CDH4: variants seen among roughly 807,000 people sequenced by gnomAD.
CDH4 encodes cadherin-4.
Under a neutral mutation model 86.0 loss-of-function variants are expected in CDH4, and 33 were observed. That is an observed-to-expected ratio of 0.38 (90% CI 0.29 to 0.51). CDH4 has a LOEUF of 0.51. Among genes scored for constraint, CDH4 ranks in the 20% least tolerant of loss-of-function variants. The probability of loss-of-function intolerance (pLI) is 0.86; values close to 1 mark genes in which losing one functional copy is unlikely to be tolerated. For synonymous variants in CDH4, 555 were observed against 549.4 expected (o/e 1.01, Z -0.14); for missense variants, 1,114 against 1,307.4 (o/e 0.85, Z 2.28).
At chr20:61,625,073 T>C (rs1406906335) in intron 2 of CDH4, among the ~76,000 whole-genome samples, 1 of 152,146 alleles carries the variant, frequency 6.6e-6, no homozygotes, top group Non-Finnish European at 1.5e-5. Flanking sequence ...GCTAGGGAGA[T>C]TCCTGGGCCT....
At chr20:61,257,636 G>A (rs866913480) in intron 2 of CDH4, among the ~76,000 whole-genome samples, 4 of 152,256 alleles carry the variant, frequency 2.6e-5, no homozygotes, top group African/African-American at 9.6e-5. Flanking sequence ...CTGATGCATG[G>A]CCGTATCTAA....
chr20:61,514,575 C>A (rs2149479), intron 2 of CDH4, among the ~76,000 whole-genome samples: 86,686 of 151,942 alleles, frequency 0.57, 25,324 homozygotes, highest in African/African-American at 0.69. Flanking sequence ...TGAAGGCACT[C>A]AGGATTTTCC....
intron 2 of CDH4, among the ~76,000 whole-genome samples, chr20:61,288,181 G>T (rs1461953491): frequency 1.4e-5 from 2 of 138,698 alleles, no homozygotes; most frequent in Non-Finnish European, 3.1e-5. Context: ...TTGGGCACAG[G>T]ATCCAGTTAC....
chr20:61,458,395 T>G lies in CDH4; in HGVS notation c.169+203458T>G, dbSNP rs557291336. On this transcript the variant is annotated intron_variant, in intron 2 of 15. Transcript: ENST00000614565. The stretch of plus-strand genomic sequence containing the variant: ...GGTGGTGATGGTATGGTGATGGTCA[T>G]GATGGTGATGACAGTGCTGACACTG... Among the ~76,000 whole-genome samples the G allele has an allele frequency of 2.0e-3, 284 of 141,304 alleles. 1 individual carries two copies. The highest frequency in any genetic ancestry group is 7.1e-3 in the African/African-American group (271 of 38,196). 92.7% of individuals were successfully genotyped at this position (141,304 alleles called of 152,430 possible).
chr20:61,905,113 C>T lies in CDH4; in HGVS notation c.1189-5309C>T, dbSNP rs188457853. Among the ~76,000 whole-genome samples the T allele has an allele frequency of 3.3e-3, 498 of 152,322 alleles. 3 individuals are homozygous for T. Among genetic ancestry groups the T allele is most frequent in the African/African-American group, 0.01 (418 of 41,564 alleles). On this transcript the variant is annotated intron_variant, in intron 8 of 15. Coordinates refer to ENST00000614565, the MANE Select transcript of CDH4 (RefSeq NM_001794.5). ...ACAGTCTCGGCAACAAATTCCATTC[C>T]GATGCTCTTAAAATTTCTCCTTTCC...
intron 2 of CDH4, among the ~76,000 whole-genome samples, chr20:61,258,139 C>G (rs2084109030): frequency 6.6e-6 from 1 of 151,910 alleles, no homozygotes; most frequent in Non-Finnish European, 1.5e-5. Context: ...ACCATCCTGG[C>G]TAACATGGTG....
intron 4 of CDH4, among the ~76,000 whole-genome samples, chr20:61,833,397 T>C (rs1234121790): frequency 6.6e-6 from 1 of 152,160 alleles, no homozygotes; most frequent in Non-Finnish European, 1.5e-5. Context: ...GTGTGTCTAC[T>C]AGTATGCAGA....
intron 1 of CDH4, among the ~76,000 whole-genome samples, chr20:61,253,801 A>G (rs6129084): frequency 6.6e-6 from 1 of 151,890 alleles, no homozygotes; most frequent in East Asian, 2.0e-4. Flanking sequence ...CGGCCTCCGG[A>G]GTCGAAGCAT....
chr20:61,448,677 G>A (rs1460437662), intron 2 of CDH4, among the ~76,000 whole-genome samples: 3 of 152,130 alleles, frequency 2.0e-5, no homozygotes, highest in African/African-American at 7.2e-5. Context: ...GACTTAAATA[G>A]ACCTAGCCTC....
intron 4 of CDH4, among the ~76,000 whole-genome samples, chr20:61,796,972 C>T (rs1439091117): frequency 6.6e-6 from 1 of 152,132 alleles, no homozygotes; most frequent in East Asian, 1.9e-4. Flanking sequence ...GAGCGCCATA[C>T]AGCGCCAGCT....
intron 2 of CDH4, among the ~76,000 whole-genome samples, chr20:61,350,452 C>T (rs1167459788): frequency 5.1e-4 from 3 of 5,938 alleles, no homozygotes; most frequent in African/African-American, 1.0e-3. Context: ...GCCAGCGGAA[C>T]ACCTCTGACC....
chr20:61,361,819 C>T (rs559711999), intron 2 of CDH4, among the ~76,000 whole-genome samples: 4 of 152,294 alleles, frequency 2.6e-5, no homozygotes, highest in South Asian at 4.1e-4. Context: ...GGTGCCTGCC[C>T]GCAAGAAGAG....
At chr20:61,667,645 G>GGC (rs1360003366) in intron 2 of CDH4, among the ~76,000 whole-genome samples, 2 of 128,476 alleles carry the variant, frequency 1.6e-5, no homozygotes, top group East Asian at 2.9e-4. Flanking sequence ...CTTTGTGTGT[G>GGC]GCACACACAC....
At chr20:61,495,958 G>C (rs574684992) in intron 2 of CDH4, among the ~76,000 whole-genome samples, 1 of 151,470 alleles carries the variant, frequency 6.6e-6, no homozygotes, top group East Asian at 2.0e-4. Flanking sequence ...CACACAGCAG[G>C]AGAGAGGAAG....
rs1227922950 is a variant in CDH4, at chr20:61,754,023, CA to C, written c.396+10235del. On this transcript the variant is annotated intron_variant, in intron 3 of 15. Transcript: ENST00000614565. This position sits in a 1 kb window ranked among gnomAD's most constrained non-coding sequence, Gnocchi z 4.7. ...GGGGAAATTTGGGCACAGACAGGCA[CA>C]GGGAGAAGTCCTGTGAAGATGAGGC... is the stretch of plus-strand genomic sequence containing the variant. Among the ~76,000 whole-genome samples, 1 of 152,154 alleles carries C rather than the reference CA, an allele frequency of 6.6e-6. No individual in the cohort carries two copies. The highest frequency in any genetic ancestry group is 6.5e-5 in the Admixed American group (1 of 15,292).
intron 2 of CDH4, among the ~76,000 whole-genome samples, chr20:61,622,998 G>A (rs2086792005): frequency 6.6e-6 from 1 of 152,174 alleles, no homozygotes; most frequent in East Asian, 1.9e-4. Flanking sequence ...AGTGGGATAG[G>A]CCTGTTACCA....
chr20:61,816,032 A>G (rs1442017726), intron 4 of CDH4, among the ~76,000 whole-genome samples: 1 of 152,196 alleles, frequency 6.6e-6, no homozygotes, highest in African/African-American at 2.4e-5. Flanking sequence ...GCTGCATTTC[A>G]GAACAAACTA....
chr20:61,807,708 G>A lies in CDH4; in HGVS notation c.576+34526G>A, dbSNP rs531357159. Among the ~76,000 whole-genome samples the A allele has an allele frequency of 5.9e-5, 9 of 152,310 alleles. No homozygotes were observed. The highest frequency in any genetic ancestry group is 4.2e-4 in the South Asian group (2 of 4,816). ...TGTGGACGGCTCTTCAGACTCAAAC[G>A]GTGTGATGAACAAACCGACTCGGAA... On this transcript the variant is annotated intron_variant, in intron 4 of 15. Coordinates refer to ENST00000614565, the MANE Select transcript of CDH4 (RefSeq NM_001794.5). This position sits in a 1 kb window ranked among gnomAD's most constrained non-coding sequence, Gnocchi z 4.5.
At chr20:61,263,884 G>A (rs554340845) in intron 2 of CDH4, among the ~76,000 whole-genome samples, 30 of 152,202 alleles carry the variant, frequency 2.0e-4, no homozygotes, top group Admixed American at 1.4e-3. Context: ...AGCCAGCCGT[G>A]AAGCATCTCT....
Sources: gnomAD v4.1 joint callset for allele counts (sites outside exome capture counted in the v4.1 genomes callset) on GRCh38, gnomAD v4.1.1 for gene constraint, Gnocchi (gnomAD v3.1) non-coding constraint, MANE v1.5 for transcripts, NCBI Gene and HGNC (gene_info 2026-07-23, HGNC 2026-07-21) for gene names.